ACER3: variants seen among roughly 807,000 people sequenced by gnomAD.
ACER3 encodes the protein alkaline ceramidase 3.
A neutral mutation model predicts 48.9 loss-of-function variants in ACER3; 16 were observed. The ratio of observed to expected loss-of-function variants is 0.33; its 90% CI spans 0.22 to 0.50. ACER3 has a LOEUF of 0.50. Among genes scored for constraint, ACER3 ranks in the 20% least tolerant of loss-of-function variants. ACER3 has a pLI of 0.98. For synonymous variants in ACER3, 109 were observed against 107.8 expected (o/e 1.01, Z -0.07); for missense variants, 227 against 326.0 (o/e 0.70, Z 2.34).
chr11:76,872,910 T>C (rs1565152486), intron 1 of ACER3, among the ~76,000 whole-genome samples: 2 of 110,310 alleles, frequency 1.8e-5, no homozygotes, highest in African/African-American at 3.4e-5. Flanking sequence ...TTTTTCTTTT[T>C]CTTTTTTTTT....
intron 3 of ACER3, among the ~76,000 whole-genome samples, chr11:76,975,116 C>T (rs1401985841): frequency 6.6e-6 from 1 of 152,204 alleles, no homozygotes; most frequent in Non-Finnish European, 1.5e-5. Context: ...TCCGCCACCC[C>T]ATTTCATTTC....
At chr11:76,995,928 C>T (rs1948900697) in intron 6 of ACER3, among the ~76,000 whole-genome samples, 1 of 152,114 alleles carries the variant, frequency 6.6e-6, no homozygotes, top group Admixed American at 6.5e-5. Flanking sequence ...TGTGATTTTT[C>T]TTTTAAACTA....
At chr11:76,966,071 G>A (rs1448392614) in intron 3 of ACER3, among the ~76,000 whole-genome samples, 1 of 151,470 alleles carries the variant, frequency 6.6e-6, no homozygotes, top group African/African-American at 2.4e-5. Flanking sequence ...TCCATCTCAT[G>A]TGCAGAGACA....
At position 76,864,596 on chromosome 11, in the gene ACER3, A is replaced by ATTTTTTTTTTT. The variant is rs772026324; in HGVS notation, c.103+3528_103+3538dup. Among the ~76,000 whole-genome samples, 129 of 99,924 alleles carry ATTTTTTTTTTT rather than the reference A, an allele frequency of 1.3e-3. 16 individuals carry two copies. Among genetic ancestry groups the ATTTTTTTTTTT allele is most frequent in the Non-Finnish European group, 2.0e-3 (101 of 49,496 alleles). 65.6% of individuals were successfully genotyped at this position (99,924 alleles called of 152,430 possible). A position where few individuals can be genotyped will look rare whatever the true frequency, so the allele number is the denominator to read the frequency against. ...ACATAACTCATAATATGGAATGGGT[A>ATTTTTTTTTTT]TTTTTTTTTTTTTTTTTTTTTGAGG... On this transcript the variant is annotated intron_variant, in intron 1 of 10. Coordinates refer to ENST00000532485, the MANE Select transcript of ACER3 (RefSeq NM_018367.7).
intron 2 of ACER3, chr11:76,955,663 A>G (rs1947820951): frequency 6.6e-6 from 1 of 152,258 alleles, no homozygotes; most frequent in Admixed American, 6.5e-5. Flanking sequence ...TGCCACGCCC[A>G]TATGACCTCA....
intron 1 of ACER3, 29 bp downstream of exon 1, chr11:76,861,108 G>C: frequency 2.0e-6 from 3 of 1,527,172 alleles, no homozygotes; most frequent in Non-Finnish European, 2.6e-6. Context: ...GGGGAGTGGG[G>C]GCGAGAGGGC....
chr11:76,972,786 CA>C lies in ACER3; in HGVS notation c.268-3502del, dbSNP rs144717065. On this transcript the variant is annotated intron_variant, in intron 3 of 10. Transcript: ENST00000532485. Reference sequence around the variant, plus strand: ...GGGGCACGACACCTCCTCCATGTACCAGGGGGTGAAGGTCTGCAGGGTCAGG... The same window carrying C: ...GGGGCACGACACCTCCTCCATGTACCGGGGGTGAAGGTCTGCAGGGTCAGG... 7.5e-3 allele frequency among the ~76,000 whole-genome samples: 1,146 copies of C among 152,174 alleles called. 7 individuals are homozygous for C. Among genetic ancestry groups the C allele is most frequent in the African/African-American group, 0.026 (1,077 of 41,518 alleles).
chr11:76,982,592 A>G (rs11237048), intron 4 of ACER3, among the ~76,000 whole-genome samples: 15,329 of 151,992 alleles, frequency 0.1, 1,027 homozygotes, highest in East Asian at 0.35. Flanking sequence ...GTCCTGTCAG[A>G]TATTTGTATT....
chr11:76,916,531 C>T (rs1261201312), intron 1 of ACER3, among the ~76,000 whole-genome samples: 4 of 92,510 alleles, frequency 4.3e-5, no homozygotes, highest in African/African-American at 8.3e-5. Flanking sequence ...GAGGTTAAAA[C>T]GGTTAAGTGC....
intron 1 of ACER3, among the ~76,000 whole-genome samples, chr11:76,887,841 T>C (rs1167157723): frequency 3.8e-5 from 5 of 130,024 alleles, no homozygotes; most frequent in Non-Finnish European, 6.4e-5. Context: ...TTTTTGGAGA[T>C]AGGGCCTCAC....
intron 2 of ACER3, among the ~76,000 whole-genome samples, chr11:76,934,228 C>T (rs1234226313): frequency 6.6e-6 from 1 of 151,510 alleles, no homozygotes; most frequent in Non-Finnish European, 1.5e-5. Flanking sequence ...AGAGGGGCTC[C>T]TCACGTCCTA....
intron 2 of ACER3, among the ~76,000 whole-genome samples, chr11:76,952,538 G>A (rs1185646530): frequency 6.6e-6 from 1 of 151,912 alleles, no homozygotes; most frequent in East Asian, 1.9e-4. Flanking sequence ...GATTACAGGT[G>A]TAAGCCACTG....
intron 1 of ACER3, chr11:76,868,375 A>C (rs545578849): frequency 5.0e-5 from 24 of 475,444 alleles, no homozygotes; most frequent in South Asian, 2.3e-4. Context: ...TAGTTTTAAT[A>C]TCTCTCTCTC....
intron 1 of ACER3, among the ~76,000 whole-genome samples, chr11:76,923,409 C>G (rs1208020833): frequency 6.6e-6 from 1 of 152,118 alleles, no homozygotes; most frequent in South Asian, 2.1e-4. Context: ...CATTTTCTAG[C>G]CTTTTATATG....
chr11:76,993,759 T>A (rs1195199537), intron 6 of ACER3, among the ~76,000 whole-genome samples: 1 of 152,204 alleles, frequency 6.6e-6, no homozygotes. Context: ...TAGATTCTCA[T>A]AAAGAGCACA....
chr11:77,024,370 G>T lies in ACER3; in HGVS notation c.*4043G>T, dbSNP rs1160723440. The T allele has an allele frequency of 6.6e-6, 1 of 151,026 alleles. No homozygotes were observed. The highest frequency in any genetic ancestry group is 2.4e-5 in the African/African-American group (1 of 41,144). The allele number at this position is 151,026 out of a possible 1,614,324, so 9.4% of individuals were successfully genotyped here. On this transcript the variant is annotated 3_prime_UTR_variant, in exon 11 of 11. Transcript: ENST00000532485. Reference sequence around the variant, plus strand: ...ACATGGGGGAGCTGCTGGTGTTGTTGAGGTCCTTGGGAGCATTCCACTGGA... The same window carrying T: ...ACATGGGGGAGCTGCTGGTGTTGTTTAGGTCCTTGGGAGCATTCCACTGGA...
chr11:76,878,273 T>TGAA (rs1945434887), intron 1 of ACER3, among the ~76,000 whole-genome samples: 1 of 152,152 alleles, frequency 6.6e-6, no homozygotes, highest in African/African-American at 2.4e-5. Flanking sequence ...TTTTTGCCAT[T>TGAA]ACTTTCAATG....
At position 76,931,881 on chromosome 11, in the gene ACER3, C is replaced by G. The variant is rs555330892; in HGVS notation, c.214+5214C>G. 8.6e-5 allele frequency among the ~76,000 whole-genome samples: 13 copies of G among 151,918 alleles called. No homozygotes were observed. The South Asian group carries it at 2.5e-3, about 29-fold the overall frequency. On this transcript the variant is annotated intron_variant, in intron 2 of 10. Coordinates refer to ENST00000532485, the MANE Select transcript of ACER3 (RefSeq NM_018367.7). Reference sequence around the variant, plus strand: ...CCTTTGTGGGTAACCCATCCTTTCTCTCTGACTGCCCTTAACATTTTTTCC... The same window carrying G: ...CCTTTGTGGGTAACCCATCCTTTCTGTCTGACTGCCCTTAACATTTTTTCC...
intron 6 of ACER3, chr11:76,994,324 A>G (rs1948871346): frequency 1.1e-5 from 4 of 369,428 alleles, no homozygotes; most frequent in African/African-American, 4.3e-5. Context: ...GAAACGGGGT[A>G]TCGCCATGTT....
Sources: gnomAD v4.1 joint callset for allele counts (sites outside exome capture counted in the v4.1 genomes callset) on GRCh38, gnomAD v4.1.1 for gene constraint, MANE v1.5 for transcripts, NCBI Gene and HGNC (gene_info 2026-07-23, HGNC 2026-07-21) for gene names.